Variants in SERPING1 observed in about 807,000 individuals in gnomAD.
The protein encoded by SERPING1 is plasma protease C1 inhibitor.
A neutral mutation model predicts 34.1 loss-of-function variants in SERPING1; 5 were observed. That is an observed-to-expected ratio of 0.15 (90% CI 0.08 to 0.31). SERPING1 has a LOEUF of 0.31. Ranked by LOEUF, SERPING1 falls within the 10% of genes least tolerant of loss-of-function variation. SERPING1 has a pLI of 1.00. For synonymous variants in SERPING1, 225 were observed against 242.4 expected (o/e 0.93, Z 0.67); for missense variants, 505 against 609.5 (o/e 0.83, Z 1.81).
At chr11:57,611,219 C>G (rs1446948917) in intron 6 of SERPING1, 2 of 182,926 alleles carry the variant, frequency 1.1e-5, no homozygotes, top group Admixed American at 1.1e-4. Context: ...GTGTGAGCCA[C>G]CGTGCATGAC....
At chr11:57,598,050 C>A (rs1179831365) in intron 1 of SERPING1, 199 bp from the exon 2 acceptor site, 1 of 568,578 alleles carries the variant, frequency 1.8e-6, no homozygotes, top group South Asian at 2.5e-5. Context: ...AAGGGCCAGC[C>A]GGTGCCGGGA....
intron 7 of SERPING1, 101 bp downstream of exon 7, chr11:57,612,037 A>G: frequency 9.8e-7 from 1 of 1,024,788 alleles, no homozygotes; most frequent in Non-Finnish European, 1.5e-6. Flanking sequence ...TTACATCCAT[A>G]ATCTCAGTTT....
At chr11:57,606,915 A>G in intron 6 of SERPING1, 1 of 487,968 alleles carries the variant, frequency 2.0e-6, no homozygotes, top group South Asian at 1.7e-5. Context: ...GCATACATAT[A>G]CATGTGTAGA....
In SERPING1 at chr11:57,614,366, C is replaced by T. The variant is rs563197114; in HGVS notation, c.1288C>T (p.Leu430=). The change falls in exon 8 of 8, where the codon CTG becomes TTG. Residue 430 remains leucine, a synonymous_variant. Coordinates refer to ENST00000278407, the MANE Select transcript of SERPING1 (RefSeq NM_000062.3). ...DFSYDLNLCG[L]TEDPDLQVSA... ...TTCTTATGACCTTAACCTGTGTGGG[C>T]TGACAGAGGACCCAGATCTTCAGGT... The T allele has an allele frequency of 4.3e-6, 7 of 1,614,058 alleles. No individual in the cohort carries two copies. The South Asian group carries it at 7.7e-5, about 18-fold the overall frequency.
intron 3 of SERPING1, among the ~76,000 whole-genome samples, chr11:57,600,744 A>C (rs906275430): frequency 6.6e-6 from 1 of 152,150 alleles, no homozygotes; most frequent in African/African-American, 2.4e-5. Context: ...TGAGGTCAGG[A>C]GTTCAAGACC....
intron 6 of SERPING1, chr11:57,611,464 G>A (rs761546181): frequency 4.9e-5 from 27 of 554,708 alleles, no homozygotes; most frequent in Middle Eastern, 4.9e-4. Context: ...TACATAGCTC[G>A]TCAGTGGTGG....
At chr11:57,599,152 C>T (rs1945319171) in intron 2 of SERPING1, among the ~76,000 whole-genome samples, 4 of 152,046 alleles carry the variant, frequency 2.6e-5, no homozygotes, top group Admixed American at 2.6e-4. Flanking sequence ...GACATTGGGG[C>T]TGGATAATTC....
chr11:57,609,792 G>T (rs1182272146), intron 6 of SERPING1, among the ~76,000 whole-genome samples: 2 of 151,912 alleles, frequency 1.3e-5, no homozygotes, highest in Admixed American at 1.3e-4. Flanking sequence ...CCCAGACAGG[G>T]TCTTACTCTA....
chr11:57,606,127 A>G lies in SERPING1; in HGVS notation c.803A>G (p.Lys268Arg), dbSNP rs746819128. Reference protein sequence around the residue: ...NLELINTWVAKNTNNKISRLL... With the variant: ...NLELINTWVARNTNNKISRLL... Reference sequence around the variant, plus strand: ...GAGCTCATCAACACCTGGGTGGCCAAGAACACCAACAACAAGATCAGCCGG... The same window carrying G: ...GAGCTCATCAACACCTGGGTGGCCAGGAACACCAACAACAAGATCAGCCGG... Residue 268 changes from lysine to arginine, a missense_variant, in exon 5 of 8, where the codon AAG (lysine) becomes AGG (arginine). Physicochemically the swap from Lys to Arg is conservative, Grantham distance 26. Coordinates refer to ENST00000278407, the MANE Select transcript of SERPING1 (RefSeq NM_000062.3). 2.2e-5 allele frequency: 36 copies of G among 1,614,036 alleles called. No individual in the cohort carries two copies. The South Asian group carries it at 3.8e-4, about 17-fold the overall frequency.
chr11:57,614,443 G>T lies in SERPING1; in HGVS notation c.1365G>T (p.Glu455Asp). Residue 455 changes from glutamate to aspartate, a missense_variant, in exon 8 of 8, where the codon GAG becomes GAT. Physicochemically the swap from Glu to Asp is conservative, Grantham distance 45. Transcript: ENST00000278407. ...TVLELTETGVEAAAASAISVA... is the reference protein window; with the variant it reads ...TVLELTETGVDAAAASAISVA... ...TGGAACTGACAGAGACTGGGGTGGA[G>T]GCGGCTGCAGCCTCCGCCATCTCTG... 6.2e-7 allele frequency: 1 copy of T among 1,614,120 alleles called. No homozygotes were observed. The highest frequency in any genetic ancestry group is 1.6e-4 in the Middle Eastern group (1 of 6,062).
intron 4 of SERPING1, among the ~76,000 whole-genome samples, chr11:57,604,995 T>C (rs944445324): frequency 6.6e-6 from 1 of 151,824 alleles, no homozygotes; most frequent in Non-Finnish European, 1.5e-5. Flanking sequence ...AGTAGGACCC[T>C]GTCTCTAAAA....
At chr11:57,606,798 A>T (rs1274364554) in intron 6 of SERPING1, 1 of 680,042 alleles carries the variant, frequency 1.5e-6, no homozygotes, top group Non-Finnish European at 2.7e-6. Flanking sequence ...GAATGGCAAA[A>T]TGTGAGTCGT....
At chr11:57,608,270 CTA>C (rs1405278878) in intron 6 of SERPING1, among the ~76,000 whole-genome samples, 1 of 152,116 alleles carries the variant, frequency 6.6e-6, no homozygotes, top group Non-Finnish European at 1.5e-5. Context: ...TTAAATGTAA[CTA>C]TTCGAATTAT....
At chr11:57,607,507 A>G (rs1945424200) in intron 6 of SERPING1, among the ~76,000 whole-genome samples, 1 of 152,228 alleles carries the variant, frequency 6.6e-6, no homozygotes, top group Non-Finnish European at 1.5e-5. Flanking sequence ...CTCTACTTGA[A>G]TACAGGAACC....
intron 4 of SERPING1, among the ~76,000 whole-genome samples, chr11:57,605,388 T>C (rs966638636): frequency 2.0e-5 from 3 of 151,816 alleles, no homozygotes; most frequent in African/African-American, 7.3e-5. Flanking sequence ...AACCTCCGTC[T>C]CCCAGATTCA....
In SERPING1 at chr11:57,600,095, C is replaced by T. The variant is rs1945330712; in HGVS notation, c.268C>T (p.Pro90Ser). The change falls in exon 3 of 8, where the codon CCC becomes TCC. Residue 90 changes from proline (P) to serine (S), a missense_variant. Transcript: ENST00000278407. ...ANTTDEPTTQ[P>S]TTEPTTQPTI... ...TACCACTGATGAACCCACCACACAA[C>T]CCACCACAGAGCCCACCACCCAACC... 1.2e-6 allele frequency: 2 copies of T among 1,613,680 alleles called. No homozygotes were observed. The highest frequency in any genetic ancestry group is 1.1e-5 in the South Asian group (1 of 91,050).
intron 2 of SERPING1, among the ~76,000 whole-genome samples, chr11:57,598,720 C>A (rs555320390): frequency 1.0e-3 from 154 of 152,180 alleles, no homozygotes; most frequent in Non-Finnish European, 1.9e-3. Context: ...TAGAAAAGAG[C>A]TGTGGGGAGG....
chr11:57,606,534 C>T lies in SERPING1; in HGVS notation c.1016C>T (p.Thr339Ile). 6.2e-7 allele frequency: 1 copy of T among 1,614,168 alleles called. No individual in the cohort carries two copies. Among genetic ancestry groups the T allele is most frequent in the East Asian group, 2.2e-5 (1 of 44,892 alleles). Residue 339 changes from threonine (T) to isoleucine (I), a missense_variant, in exon 6 of 8, where the codon ACT becomes ATT. Thr to Ile is a moderately conservative substitution (Grantham distance 89). Transcript: ENST00000278407. The part of the protein sequence containing the change: ...KYPVAHFIDQ[T>I]LKAKVGQLQL... ...CCTGTGGCCCATTTCATTGACCAAA[C>T]TTTGAAAGCCAAGGTAAGTTCTTAA...
At position 57,607,978 on chromosome 11, in the gene SERPING1, A is replaced by T. The variant is rs988213656; in HGVS notation, c.1029+1431A>T. Among the ~76,000 whole-genome samples, 4 of 152,270 alleles carry T rather than the reference A, an allele frequency of 2.6e-5. No individual in the cohort carries two copies. In the East Asian group the frequency reaches 7.7e-4, roughly 29 times the overall value. ...CCAGCTGAGGAGGTTATTTTTGACC[A>T]TTCTTTGCTCAGTTATTTATCCACT... On this transcript the variant is annotated intron_variant, in intron 6 of 7. Transcript: ENST00000278407.
Sources: gnomAD v4.1 joint callset for allele counts (sites outside exome capture counted in the v4.1 genomes callset) on GRCh38, gnomAD v4.1.1 for gene constraint, MANE v1.5 for transcripts, NCBI Gene and HGNC (gene_info 2026-07-23, HGNC 2026-07-21) for gene names.